Variants in GPM6A observed in about 807,000 individuals in gnomAD.
GPM6A encodes glycoprotein M6A.
Under a neutral mutation model 32.1 loss-of-function variants are expected in GPM6A, and 7 were observed. The ratio of observed to expected loss-of-function variants is 0.22; its 90% confidence interval spans 0.12 to 0.41. The LOEUF is 0.41. Among genes scored for constraint, GPM6A ranks in the 10% least tolerant of loss-of-function variants. The probability of loss-of-function intolerance (pLI) is 1.00; values close to 1 mark genes in which losing one functional copy is unlikely to be tolerated. For missense variants in GPM6A, 235 were observed against 347.2 expected (o/e 0.68, Z 2.57); for synonymous variants, 130 against 123.4 (o/e 1.05, Z -0.35).
chr4:175,877,890 T>C (rs923634578), intron 1 of GPM6A, among the ~76,000 whole-genome samples: 7 of 152,166 alleles, frequency 4.6e-5, no homozygotes, highest in Non-Finnish European at 7.4e-5. Flanking sequence ...CCTATGAGCC[T>C]GTAAAATCAA....
upstream of GPM6A, among the ~76,000 whole-genome samples, chr4:175,815,426 G>A (rs578131226): frequency 6.6e-6 from 1 of 152,080 alleles, no homozygotes; most frequent in Non-Finnish European, 1.5e-5. Flanking sequence ...AAAGAAAATC[G>A]TTTCACATTA....
intron 1 of GPM6A, among the ~76,000 whole-genome samples, chr4:175,762,201 A>C (rs181977393): frequency 6.6e-6 from 1 of 152,340 alleles, no homozygotes; most frequent in East Asian, 1.9e-4. Flanking sequence ...CTTGACACTT[A>C]GTATGCATTT....
chr4:175,884,673 C>T (rs1223075938), intron 1 of GPM6A, among the ~76,000 whole-genome samples: 1 of 151,812 alleles, frequency 6.6e-6, no homozygotes, highest in Non-Finnish European at 1.5e-5. Flanking sequence ...CTGGGACTAC[C>T]AGTGCCCACC....
At chr4:175,944,172 A>G (rs2126352350) in intron 1 of GPM6A, among the ~76,000 whole-genome samples, 1 of 152,322 alleles carries the variant, frequency 6.6e-6, no homozygotes, top group South Asian at 2.1e-4. Flanking sequence ...CAAGTAGCAG[A>G]CAATAATAGA....
At chr4:175,670,254 G>A (rs901090885) in intron 3 of GPM6A, among the ~76,000 whole-genome samples, 11 of 152,198 alleles carry the variant, frequency 7.2e-5, no homozygotes, top group South Asian at 2.1e-4. Flanking sequence ...CTATTACTTC[G>A]AAAGTGTTGC....
chr4:175,782,628 G>A (rs948536261), intron 1 of GPM6A, among the ~76,000 whole-genome samples: 1 of 151,972 alleles, frequency 6.6e-6, no homozygotes, highest in African/African-American at 2.4e-5. Context: ...TATTACATCC[G>A]ATTAACTAGT....
chr4:175,669,443 G>T (rs969938016), intron 3 of GPM6A, among the ~76,000 whole-genome samples: 1 of 152,040 alleles, frequency 6.6e-6, no homozygotes, highest in Non-Finnish European at 1.5e-5. Context: ...TAACTTACCA[G>T]TTGAACATCC....
intron 1 of GPM6A, among the ~76,000 whole-genome samples, chr4:175,988,918 A>T (rs7677229): frequency 2.7e-4 from 41 of 152,180 alleles, no homozygotes; most frequent in African/African-American, 9.4e-4. Flanking sequence ...AAACAGTGAG[A>T]TACAGCCATT....
chr4:175,960,864 A>T (rs1157115000), intron 1 of GPM6A: 3 of 152,220 alleles, frequency 2.0e-5, no homozygotes, highest in Non-Finnish European at 4.4e-5. Flanking sequence ...TACAAAATTC[A>T]TGGTATTTTA....
intron 1 of GPM6A, among the ~76,000 whole-genome samples, chr4:175,884,198 G>T (rs1737372219): frequency 6.6e-6 from 1 of 152,098 alleles, no homozygotes; most frequent in Non-Finnish European, 1.5e-5. Context: ...TGGGTTAATA[G>T]AACTATAAAT....
chr4:175,899,076 C>A (rs1737877801), intron 1 of GPM6A, among the ~76,000 whole-genome samples: 1 of 152,278 alleles, frequency 6.6e-6, no homozygotes, highest in Admixed American at 6.5e-5. Context: ...AGTTTTCAGT[C>A]CATGTTTAGA....
intron 1 of GPM6A, among the ~76,000 whole-genome samples, chr4:175,947,902 T>G (rs1057396289): frequency 1.3e-5 from 2 of 152,214 alleles, no homozygotes; most frequent in African/African-American, 4.8e-5. Context: ...TAGAACACAG[T>G]AGGCACTTGA....
chr4:175,883,885 T>C (rs1219975012), intron 1 of GPM6A, among the ~76,000 whole-genome samples: 2 of 152,218 alleles, frequency 1.3e-5, no homozygotes, highest in Admixed American at 6.5e-5. Flanking sequence ...AATTTTCTTC[T>C]AGTTTTTACA....
chr4:175,819,561 C>T (rs1735211935), intron 1 of GPM6A, among the ~76,000 whole-genome samples: 1 of 152,160 alleles, frequency 6.6e-6, no homozygotes, highest in African/African-American at 2.4e-5. Flanking sequence ...ACCTTCACCA[C>T]AACAGCCCTG....
intron 1 of GPM6A, among the ~76,000 whole-genome samples, chr4:175,741,902 AT>A (rs1731903500): frequency 6.6e-6 from 1 of 152,112 alleles, no homozygotes; most frequent in African/African-American, 2.4e-5. Context: ...TGGTAAATTA[AT>A]GACAGATCTT....
At chr4:175,976,056 T>G (rs1339771005) in intron 1 of GPM6A, among the ~76,000 whole-genome samples, 1 of 152,218 alleles carries the variant, frequency 6.6e-6, no homozygotes, top group Admixed American at 6.5e-5. Flanking sequence ...GGCCTTGTGT[T>G]ATCCAGTTTT....
At chr4:175,812,714 C>T (rs1734978564), upstream of GPM6A, 1 of 985,426 alleles carries the variant, frequency 1.0e-6, no homozygotes, top group South Asian at 4.7e-5. Context: ...AACATGAAGC[C>T]GACCACCAAC....
chr4:175,955,028 A>G (rs1346580642), intron 1 of GPM6A, among the ~76,000 whole-genome samples: 2 of 152,218 alleles, frequency 1.3e-5, no homozygotes, highest in Non-Finnish European at 2.9e-5. Context: ...AAATTCCATG[A>G]TTTTTCGTAA....
At chr4:175,669,857 A>T (rs765540293) in intron 3 of GPM6A, among the ~76,000 whole-genome samples, 1 of 152,186 alleles carries the variant, frequency 6.6e-6, no homozygotes, top group Non-Finnish European at 1.5e-5. Context: ...AAATTTGGAC[A>T]CAGCTTTTCA....
Sources: allele counts gnomAD v4.1 joint callset (sites outside exome capture counted in the v4.1 genomes callset), GRCh38; gene constraint gnomAD v4.1.1; transcripts MANE v1.5; gene names NCBI Gene and HGNC (gene_info 2026-07-23, HGNC 2026-07-21).